QPCTL: variants seen among roughly 807,000 people sequenced by gnomAD.
QPCTL encodes glutaminyl-peptide cyclotransferase like, also known as glutaminyl-peptide cyclotransferase-like protein.
A neutral mutation model predicts 34.6 loss-of-function variants in QPCTL; 31 were observed. The ratio of observed to expected loss-of-function variants is 0.90; its 90% CI spans 0.67 to 1.21. The LOEUF (loss-of-function observed/expected upper bound fraction) is 1.21. Ranked by LOEUF, QPCTL falls within the 50% of genes most tolerant of loss-of-function variation. The probability of loss-of-function intolerance (pLI) is 0.00; values close to 1 mark genes in which losing one functional copy is unlikely to be tolerated. For synonymous variants in QPCTL, 223 were observed against 226.9 expected (o/e 0.98, Z 0.15); for missense variants, 474 against 507.8 (o/e 0.93, Z 0.64).
At chr19:45,698,473 C>T in intron 3 of QPCTL, 74 bp from the exon 4 acceptor site, 1 of 1,566,386 alleles carries the variant, frequency 6.4e-7, no homozygotes, top group Non-Finnish European at 8.7e-7. Context: ...TGCAAGCGGG[C>T]AAGAAGTGTG....
intron 5 of QPCTL, among the ~76,000 whole-genome samples, chr19:45,699,225 G>A (rs995324001): frequency 7.9e-5 from 12 of 151,890 alleles, no homozygotes; most frequent in Non-Finnish European, 1.6e-4. Flanking sequence ...TAGAGACAGA[G>A]TTTCACTATG....
chr19:45,701,433 A>C (rs1243667330), intron 5 of QPCTL, among the ~76,000 whole-genome samples: 1 of 151,622 alleles, frequency 6.6e-6, no homozygotes, highest in Non-Finnish European at 1.5e-5. Flanking sequence ...CCACCACCAC[A>C]CCCAGCTAAT....
chr19:45,697,060 C>A (rs983211815), intron 3 of QPCTL, among the ~76,000 whole-genome samples: 1 of 152,082 alleles, frequency 6.6e-6, no homozygotes. Flanking sequence ...GCGGAGGTTG[C>A]AGTGAGCCGA....
chr19:45,697,106 C>T lies in QPCTL; in HGVS notation c.633+1388C>T, dbSNP rs539092519. Among the ~76,000 whole-genome samples, 6 of 151,460 alleles carry T rather than the reference C, an allele frequency of 4.0e-5. No individual in the cohort carries two copies. The South Asian group carries it at 8.4e-4, about 21-fold the overall frequency. The stretch of plus-strand genomic sequence containing the variant: ...CTGCACTCCAGCCTGGATGACAGAG[C>T]GAGATTCTGTCTCAAAACAAACAGA... On this transcript the variant is annotated intron_variant, in intron 3 of 6. Transcript: ENST00000012049.
chr19:45,699,702 G>A (rs767852981), intron 5 of QPCTL, among the ~76,000 whole-genome samples: 11 of 151,870 alleles, frequency 7.2e-5, no homozygotes, highest in Non-Finnish European at 1.3e-4. Flanking sequence ...AGGCCAAAGC[G>A]GGTGGATCAC....
At chr19:45,701,293 G>A (rs1385835301) in intron 5 of QPCTL, among the ~76,000 whole-genome samples, 1 of 118,074 alleles carries the variant, frequency 8.5e-6, no homozygotes, top group Non-Finnish European at 1.8e-5. Context: ...TTTTTTTTTT[G>A]GAGACAGAAT....
At chr19:45,700,770 C>T (rs1462634824) in intron 5 of QPCTL, among the ~76,000 whole-genome samples, 1 of 151,856 alleles carries the variant, frequency 6.6e-6, no homozygotes, top group Non-Finnish European at 1.5e-5. Context: ...ACCAGCTTGG[C>T]CAATATGGTG....
intron 1 of QPCTL, 61 bp downstream of exon 1, chr19:45,692,971 A>G (rs1361308400): frequency 6.8e-7 from 1 of 1,479,468 alleles, no homozygotes; most frequent in African/African-American, 1.4e-5. Context: ...GCTGTTACCC[A>G]GGGTTGACGT....
intron 5 of QPCTL, among the ~76,000 whole-genome samples, chr19:45,700,666 A>C (rs571501586): frequency 2.0e-5 from 3 of 152,094 alleles, no homozygotes; most frequent in Non-Finnish European, 4.4e-5. Flanking sequence ...CTATCTGTAA[A>C]ACGGCCAGTG....
At chr19:45,701,975 C>A in intron 6 of QPCTL, 61 bp downstream of exon 6, 1 of 1,365,106 alleles carries the variant, frequency 7.3e-7, no homozygotes, top group Non-Finnish European at 1.0e-6. Flanking sequence ...TTGGAACTGG[C>A]CAAGTCCCCT....
At chr19:45,696,441 A>C (rs1967698444) in intron 3 of QPCTL, among the ~76,000 whole-genome samples, 1 of 152,056 alleles carries the variant, frequency 6.6e-6, no homozygotes, top group African/African-American at 2.4e-5. Context: ...AAACACAAAA[A>C]TTAGCCAGGC....
chr19:45,692,828 T>G lies in QPCTL; in HGVS notation c.125T>G (p.Leu42Arg). 1 of 1,565,286 alleles carries G rather than the reference T, an allele frequency of 6.4e-7. No homozygotes were observed. The highest frequency in any genetic ancestry group is 8.7e-7 in the Non-Finnish European group (1 of 1,154,612). The part of the protein sequence containing the change: ...RVRLLPLLLA[L>R]AVGSAFYTIW... ...CGGCTCTTGCCTCTGTTGCTGGCGCTGGCCGTGGGCTCGGCGTTCTACACC... is the reference window on the plus strand; with the variant it reads ...CGGCTCTTGCCTCTGTTGCTGGCGCGGGCCGTGGGCTCGGCGTTCTACACC... Residue 42 changes from leucine (L) to arginine (R), a missense_variant, in exon 1 of 7, where the codon CTG becomes CGG. By Grantham distance (102) the Leu-to-Arg change is moderately radical. Coordinates refer to ENST00000012049, the MANE Select transcript of QPCTL (RefSeq NM_017659.4).
rs533850591 is a variant in QPCTL, at chr19:45,698,548, C to A, written c.635C>A (p.Ala212Glu). Residue 212 changes from alanine to glutamate, a missense_variant and splice_region_variant, in exon 4 of 7, where the codon GCA (alanine) becomes GAA (glutamate). Physicochemically the swap from Ala to Glu is moderately radical, Grantham distance 107. Transcript: ENST00000012049. ...GCCACCCCCCTGCTGCTCCCACAGG[C>A]AGCCCCGGTGACCCTGCAACTGCTC... Reference protein sequence around the residue: ...DLELSRAKKQAAPVTLQLLFL... With the variant: ...DLELSRAKKQEAPVTLQLLFL... 28 of 1,613,834 alleles carry A rather than the reference C, an allele frequency of 1.7e-5. No homozygotes were observed. The Admixed American group carries it at 3.3e-4, about 19-fold the overall frequency.
Position 45,701,812 on chromosome 19 carries a change from C to T in QPCTL, c.901C>T (p.Arg301Cys), listed in dbSNP as rs758369280. ...CCCACTTCCAGAGAAGCGTCTGCACCGTTTGAACCTGCTGCAGTCTCATCC... is the reference window on the plus strand; with the variant it reads ...CCCACTTCCAGAGAAGCGTCTGCACTGTTTGAACCTGCTGCAGTCTCATCC... ...RLRSIEKRLH[R>C]LNLLQSHPQE... The change falls in exon 6 of 7, where the codon CGT (arginine) becomes TGT (cysteine). Residue 301 changes from arginine to cysteine, a missense_variant. By Grantham distance (180) the Arg-to-Cys change is radical (BLOSUM62 -3). Coordinates refer to ENST00000012049, the MANE Select transcript of QPCTL (RefSeq NM_017659.4). 3.7e-6 allele frequency: 6 copies of T among 1,613,696 alleles called. No homozygotes were observed. The highest frequency in any genetic ancestry group is 1.7e-4 in the Middle Eastern group (1 of 6,058).
intron 5 of QPCTL, among the ~76,000 whole-genome samples, chr19:45,700,348 GGCA>G (rs905352096): frequency 2.6e-5 from 4 of 151,674 alleles, no homozygotes; most frequent in African/African-American, 9.7e-5. Flanking sequence ...CGGAGGCTCA[GGCA>G]GAAGAATCGC....
rs555364396 is a variant in QPCTL, at chr19:45,699,124, C to T, written c.886+224C>T. Among the ~76,000 whole-genome samples the T allele has an allele frequency of 3.3e-5, 5 of 150,636 alleles. No homozygotes were observed. In the South Asian group the frequency reaches 8.4e-4, roughly 25 times the overall value. On this transcript the variant is annotated intron_variant, in intron 5 of 6. Transcript: ENST00000012049. ...TCTTGGCTCACTGCAACCTCCACCT[C>T]CCAGGTTCAAGCCATTCTCCTGCCT...
At chr19:45,694,459 TTTTTA>T (rs148422945) in intron 2 of QPCTL, among the ~76,000 whole-genome samples, 14 of 149,468 alleles carry the variant, frequency 9.4e-5, no homozygotes, top group South Asian at 2.1e-4. Context: ...ACTGGTTTCT[TTTTTA>T]TTTTATTTTA....
rs199996037 is a variant in QPCTL, at chr19:45,693,526, G to A, written c.321G>A (p.Pro107=). The change falls in exon 2 of 7, where the codon CCG becomes CCA. Residue 107 remains proline (P), a synonymous_variant. Coordinates refer to ENST00000012049, the MANE Select transcript of QPCTL (RefSeq NM_017659.4). ...YLRPLLVVRT[P]GSPGNLQVRK... ...GCCCCCTGCTGGTTGTGCGAACCCC[G>A]GGCAGCCCGGGAAATCTCCAAGTCA... 6 of 1,611,974 alleles carry A rather than the reference G, an allele frequency of 3.7e-6. No homozygotes were observed. The highest frequency in any genetic ancestry group is 2.5e-6 in the Non-Finnish European group (3 of 1,178,964).
In QPCTL at chr19:45,692,822, T is replaced by A; in HGVS notation, c.119T>A (p.Leu40Gln). 6.4e-7 allele frequency: 1 copy of A among 1,572,450 alleles called. No homozygotes were observed. The highest frequency in any genetic ancestry group is 8.6e-7 in the Non-Finnish European group (1 of 1,158,698). Residue 40 changes from leucine to glutamine, a missense_variant, in exon 1 of 7, where the codon CTG (leucine) becomes CAG (glutamine). Coordinates refer to ENST00000012049, the MANE Select transcript of QPCTL (RefSeq NM_017659.4). ...CGGGTTCGGCTCTTGCCTCTGTTGC[T>A]GGCGCTGGCCGTGGGCTCGGCGTTC... is the stretch of plus-strand genomic sequence containing the variant. ...LPRVRLLPLL[L>Q]ALAVGSAFYT...
Sources: allele counts gnomAD v4.1 joint callset (sites outside exome capture counted in the v4.1 genomes callset), GRCh38; gene constraint gnomAD v4.1.1; transcripts MANE v1.5; gene names NCBI Gene and HGNC (gene_info 2026-07-23, HGNC 2026-07-21).